GALNT3: variants seen among roughly 807,000 people sequenced by gnomAD.
The protein encoded by GALNT3 is polypeptide N-acetylgalactosaminyltransferase 3, also known as GalNAc transferase 3.
A neutral mutation model predicts 69.8 loss-of-function variants in GALNT3; 51 were observed. The observed-to-expected ratio is 0.73, with a 90% CI of 0.58 to 0.92. The LOEUF (loss-of-function observed/expected upper bound fraction) is 0.92, where lower values mean the gene tolerates loss of function less well. GALNT3 is among the 40% of genes least tolerant of loss of function. The pLI is 0.00. For missense variants in GALNT3, 711 were observed against 760.0 expected (o/e 0.94, Z 0.76); for synonymous variants, 265 against 248.5 (o/e 1.07, Z -0.63).
chr2:165,785,466 C>T lies in GALNT3; in HGVS notation c.-109+8549G>A, dbSNP rs1261152271. On this transcript the variant is annotated intron_variant, in intron 1 of 10. Transcript: ENST00000392701. Reference sequence around the variant, plus strand: ...TGAAAGGAAGATTTATCATATACCTCTCCTAACTTTTGAAAATTGTGAACT... The same window carrying T: ...TGAAAGGAAGATTTATCATATACCTTTCCTAACTTTTGAAAATTGTGAACT... Among the ~76,000 whole-genome samples the T allele has an allele frequency of 2.0e-5, 3 of 152,176 alleles. No individual in the cohort carries two copies. In the East Asian group the frequency reaches 5.8e-4, roughly 29 times the overall value.
intron 9 of GALNT3, among the ~76,000 whole-genome samples, chr2:165,752,063 C>G (rs1335501388): frequency 6.6e-6 from 1 of 152,018 alleles, no homozygotes; most frequent in Non-Finnish European, 1.5e-5. Flanking sequence ...GAATTAAGTC[C>G]AAGTTTCTTA....
chr2:165,768,979 G>GA (rs1396745828), intron 2 of GALNT3, among the ~76,000 whole-genome samples: 1 of 150,672 alleles, frequency 6.6e-6, no homozygotes, highest in Non-Finnish European at 1.5e-5. Flanking sequence ...ATTTTTAATA[G>GA]AGACGGGGTT....
At chr2:165,762,940 C>A (rs1688577817) in intron 3 of GALNT3, among the ~76,000 whole-genome samples, 2 of 150,118 alleles carry the variant, frequency 1.3e-5, no homozygotes, top group South Asian at 2.1e-4. Flanking sequence ...CATGCTCCAA[C>A]AGGCCCAGCT....
chr2:165,781,348 T>A (rs1683106063), intron 1 of GALNT3, among the ~76,000 whole-genome samples: 1 of 152,088 alleles, frequency 6.6e-6, no homozygotes, highest in Non-Finnish European at 1.5e-5. Flanking sequence ...ATGCCTGTAA[T>A]TACAGCACTA....
At chr2:165,779,330 T>G (rs964314400) in intron 1 of GALNT3, among the ~76,000 whole-genome samples, 4 of 152,152 alleles carry the variant, frequency 2.6e-5, no homozygotes, top group African/African-American at 7.2e-5. Context: ...TACAGTAAAT[T>G]TGGAACTAAG....
intron 2 of GALNT3, among the ~76,000 whole-genome samples, chr2:165,767,290 T>C (rs911478061): frequency 2.0e-5 from 3 of 152,148 alleles, no homozygotes; most frequent in Admixed American, 6.5e-5. Flanking sequence ...AGGAAACCTA[T>C]GATTTGTTAT....
At chr2:165,779,471 G>A (rs575142935) in intron 1 of GALNT3, among the ~76,000 whole-genome samples, 1 of 152,260 alleles carries the variant, frequency 6.6e-6, no homozygotes, top group Non-Finnish European at 1.5e-5. Context: ...AAGTCTAACT[G>A]TCCTTCTTTA....
chr2:165,778,384 T>C (rs1349565832), intron 1 of GALNT3, among the ~76,000 whole-genome samples: 3 of 152,222 alleles, frequency 2.0e-5, no homozygotes, highest in Admixed American at 6.5e-5. Context: ...TAAACATAGT[T>C]GTTGGCTTTT....
chr2:165,788,643 CCTT>C (rs1425015708), intron 1 of GALNT3, among the ~76,000 whole-genome samples: 6 of 151,686 alleles, frequency 4.0e-5, no homozygotes. Context: ...TGAAGCAAGA[CCTT>C]CTTTGAGTTT....
chr2:165,782,760 T>C (rs1239100983), intron 1 of GALNT3, among the ~76,000 whole-genome samples: 1 of 152,154 alleles, frequency 6.6e-6, no homozygotes, highest in African/African-American at 2.4e-5. Context: ...CCCCAAAGCA[T>C]AGTCTCTGGT....
intron 1 of GALNT3, among the ~76,000 whole-genome samples, chr2:165,775,788 T>C (rs565803799): frequency 6.6e-6 from 1 of 152,336 alleles, no homozygotes; most frequent in Non-Finnish European, 1.5e-5. Flanking sequence ...GCAGCAAGGG[T>C]TAAGAATTAC....
At chr2:165,751,296 G>A (rs1248930204) in intron 9 of GALNT3, among the ~76,000 whole-genome samples, 6 of 151,932 alleles carry the variant, frequency 3.9e-5, no homozygotes, top group East Asian at 1.9e-4. Context: ...ACAAACATTC[G>A]CTGAATTCAC....
At chr2:165,784,222 G>A (rs1237634416) in intron 1 of GALNT3, among the ~76,000 whole-genome samples, 1 of 152,108 alleles carries the variant, frequency 6.6e-6, no homozygotes, top group Non-Finnish European at 1.5e-5. Context: ...TTAATTCAGT[G>A]GGATTTATAT....
At chr2:165,772,892 T>A (rs1688778093) in intron 1 of GALNT3, among the ~76,000 whole-genome samples, 1 of 152,180 alleles carries the variant, frequency 6.6e-6, no homozygotes, top group African/African-American at 2.4e-5. Context: ...ATTTGGAAAT[T>A]ACCAATTTTT....
At chr2:165,768,084 G>A (rs189746304) in intron 2 of GALNT3, among the ~76,000 whole-genome samples, 22 of 152,146 alleles carry the variant, frequency 1.4e-4, no homozygotes, top group Non-Finnish European at 1.8e-4. Context: ...ATGTTGGCCA[G>A]GCCAGGCACA....
At chr2:165,755,191 T>A (rs1688425048) in intron 7 of GALNT3, 128 bp from the exon 8 acceptor site, 2 of 848,310 alleles carry the variant, frequency 2.4e-6, no homozygotes, top group East Asian at 5.3e-5. Context: ...AAGAGGCAAT[T>A]CAACAGCCTT....
intron 1 of GALNT3, among the ~76,000 whole-genome samples, chr2:165,786,761 C>A (rs1683231745): frequency 6.6e-6 from 1 of 152,068 alleles, no homozygotes; most frequent in African/African-American, 2.4e-5. Context: ...CTTTCACTAA[C>A]CTTGTAAATA....
Position 165,751,565 on chromosome 2 carries a change from A to T in GALNT3, c.1627-1671T>A, listed in dbSNP as rs1273208588. Among the ~76,000 whole-genome samples the T allele has an allele frequency of 1.3e-5, 2 of 152,192 alleles. 1 individual carries two copies. The highest frequency in any genetic ancestry group is 2.9e-5 in the Non-Finnish European group (2 of 68,022). On this transcript the variant is annotated intron_variant, in intron 9 of 10. Transcript: ENST00000392701. ...GTCATTAAAATAAAAATTACAAAAA[A>T]TGGAAAATATTGAAAGTACTTTGGT...
intron 4 of GALNT3, chr2:165,761,703 A>T: frequency 1.4e-6 from 1 of 718,514 alleles, no homozygotes; most frequent in Non-Finnish European, 2.6e-6. Flanking sequence ...ACACAAAAGG[A>T]GATAAGAATT....
Sources: allele counts gnomAD v4.1 joint callset (sites outside exome capture counted in the v4.1 genomes callset), GRCh38; gene constraint gnomAD v4.1.1; transcripts MANE v1.5; gene names NCBI Gene and HGNC (gene_info 2026-07-23, HGNC 2026-07-21).